The following SASH1 variants were observed in gnomAD, a reference collection of about 807,000 sequenced individuals.
SASH1 encodes the protein SAM and SH3 domain-containing protein 1.
In SASH1, 44 loss-of-function variants were observed where a neutral mutation model predicts 125.2. The ratio of observed to expected loss-of-function variants is 0.35; its 90% CI spans 0.28 to 0.45. The LOEUF (loss-of-function observed/expected upper bound fraction) is 0.45. Ranked by LOEUF, SASH1 falls within the 20% of genes least tolerant of loss-of-function variation. SASH1 has a pLI of 1.00. For synonymous variants in SASH1, 639 were observed against 649.1 expected (o/e 0.98, Z 0.24); for missense variants, 1,426 against 1,614.5 (o/e 0.88, Z 2.00).
chr6:148,474,866 C>T (rs985658661), intron 7 of SASH1, among the ~76,000 whole-genome samples: 1 of 152,196 alleles, frequency 6.6e-6, no homozygotes, highest in Non-Finnish European at 1.5e-5. Context: ...GCAAGCGCAC[C>T]TGGCCTATAA....
At chr6:148,461,104 T>C (rs892248578) in intron 4 of SASH1, among the ~76,000 whole-genome samples, 1 of 152,238 alleles carries the variant, frequency 6.6e-6, no homozygotes, top group East Asian at 1.9e-4. Context: ...CACTGTCTCA[T>C]GTGATCCTCT....
chr6:148,378,575 G>C (rs573111457), intron 1 of SASH1, among the ~76,000 whole-genome samples: 1 of 152,244 alleles, frequency 6.6e-6, no homozygotes, highest in East Asian at 1.9e-4. Context: ...GCTCAGGTTG[G>C]TCTCAAACTC....
At chr6:148,468,610 C>A in intron 5 of SASH1, 25 bp downstream of exon 5, 1 of 1,499,766 alleles carries the variant, frequency 6.7e-7, no homozygotes, top group Non-Finnish European at 9.2e-7. Flanking sequence ...TCTTGGTTTA[C>A]CTATTTAATT....
At chr6:148,308,282 C>A (rs907232001) in intron 1 of SASH1, among the ~76,000 whole-genome samples, 11 of 151,622 alleles carry the variant, frequency 7.3e-5, no homozygotes, top group East Asian at 3.9e-4. Flanking sequence ...CCGCCCCCCC[C>A]AAAAATGTAT....
chr6:148,375,706 A>G (rs1782864355), intron 1 of SASH1, among the ~76,000 whole-genome samples: 1 of 152,260 alleles, frequency 6.6e-6, no homozygotes, highest in African/African-American at 2.4e-5. Flanking sequence ...AGATGGGCAG[A>G]TGCATAGATA....
rs767981734 is a variant in SASH1 at position 148,544,149 on chromosome 6, A to G, written c.2679A>G (p.Leu893=). ...ACTCTGCTGTCGACAATGCATTGCT[A>G]CTGACCCAAAGCAAGAGATTTTCTG... The part of the protein sequence containing the change: ...EQDSAVDNAL[L]LTQSKRFSEP... Residue 893 remains leucine (L), a synonymous_variant, in exon 18 of 20, where the codon CTA becomes CTG. Transcript: ENST00000367467. The surrounding 1 kb of genome is among the most constrained non-coding windows in gnomAD (Gnocchi z 6.4). 7.4e-6 allele frequency: 12 copies of G among 1,614,076 alleles called. No individual in the cohort carries two copies. The highest frequency in any genetic ancestry group is 6.7e-5 in the East Asian group (3 of 44,860).
At chr6:148,488,798 T>C (rs1778980633) in intron 8 of SASH1, among the ~76,000 whole-genome samples, 1 of 152,238 alleles carries the variant, frequency 6.6e-6, no homozygotes, top group Non-Finnish European at 1.5e-5. Flanking sequence ...GTCTGAGTCT[T>C]TTGCCTGGTC....
intron 2 of SASH1, among the ~76,000 whole-genome samples, chr6:148,432,641 T>C (rs1284402094): frequency 1.3e-5 from 2 of 152,106 alleles, no homozygotes; most frequent in Non-Finnish European, 2.9e-5. Flanking sequence ...GGTGGGCGCC[T>C]GGTATTCTTC....
intron 1 of SASH1, among the ~76,000 whole-genome samples, chr6:148,379,215 T>C (rs959811996): frequency 1.3e-5 from 2 of 152,210 alleles, no homozygotes; most frequent in African/African-American, 4.8e-5. Flanking sequence ...CCTGGGTTTC[T>C]TCCTGTCTCT....
chr6:148,483,496 T>A (rs1488955256), intron 7 of SASH1, among the ~76,000 whole-genome samples: 1 of 152,178 alleles, frequency 6.6e-6, no homozygotes, highest in African/African-American at 2.4e-5. Flanking sequence ...AGAAAGCTTT[T>A]AAGAGAAACC....
chr6:148,446,335 C>T (rs541483572), intron 4 of SASH1, among the ~76,000 whole-genome samples: 1 of 152,106 alleles, frequency 6.6e-6, no homozygotes, highest in South Asian at 2.1e-4. Flanking sequence ...GTCTTGATCT[C>T]CTGACCTCAT....
At chr6:148,324,749 A>G (rs889670619) in intron 1 of SASH1, among the ~76,000 whole-genome samples, 1 of 152,244 alleles carries the variant, frequency 6.6e-6, no homozygotes, top group Non-Finnish European at 1.5e-5. Context: ...TAGGATGACT[A>G]ACAGTCCTAG....
intron 1 of SASH1, among the ~76,000 whole-genome samples, chr6:148,281,420 C>G (rs572104225): frequency 6.6e-5 from 10 of 152,208 alleles, no homozygotes; most frequent in African/African-American, 2.4e-4. Context: ...TATCTGCAAG[C>G]TCCTGGAGGA....
intron 2 of SASH1, among the ~76,000 whole-genome samples, chr6:148,406,891 G>C (rs958639448): frequency 4.6e-5 from 7 of 151,042 alleles, no homozygotes; most frequent in East Asian, 3.9e-4. Context: ...AGAGAATCAG[G>C]CTCTCCAAGG....
intron 9 of SASH1, among the ~76,000 whole-genome samples, chr6:148,517,147 A>C (rs1023898451): frequency 3.3e-5 from 5 of 152,278 alleles, no homozygotes; most frequent in African/African-American, 7.2e-5. Flanking sequence ...TATGAGGATA[A>C]TGTTTACTGT....
At chr6:148,486,944 T>C (rs1470972515) in intron 7 of SASH1, among the ~76,000 whole-genome samples, 1 of 4,322 alleles carries the variant, frequency 2.3e-4, no homozygotes, top group Admixed American at 2.6e-3. Flanking sequence ...CAAATATATA[T>C]ATATATATAT....
intron 1 of SASH1, among the ~76,000 whole-genome samples, chr6:148,289,957 TC>T (rs1173841764): frequency 7.3e-6 from 1 of 137,596 alleles, no homozygotes; most frequent in African/African-American, 2.7e-5. Context: ...AACCTCTGCC[TC>T]CCAGGTTCAA....
At chr6:148,526,228 G>T (rs9498058) in intron 11 of SASH1, among the ~76,000 whole-genome samples, 93,598 of 151,376 alleles carry the variant, frequency 0.62, 29,141 homozygotes, top group Admixed American at 0.68. Context: ...CATGCCCAGA[G>T]AATTTGTGTA....
the SASH1 span, among the ~76,000 whole-genome samples, chr6:148,194,461 G>C: frequency 6.6e-6 from 1 of 152,172 alleles, no homozygotes; most frequent in African/African-American, 2.4e-5. Flanking sequence ...TTTTAGATTG[G>C]ATGGTATAAC....
Sources: gnomAD v4.1 joint callset for allele counts (sites outside exome capture counted in the v4.1 genomes callset) on GRCh38, gnomAD v4.1.1 for gene constraint, Gnocchi (gnomAD v3.1) non-coding constraint, MANE v1.5 for transcripts, NCBI Gene and HGNC (gene_info 2026-07-23, HGNC 2026-07-21) for gene names.